PLEKHA5: variants seen among roughly 807,000 people sequenced by gnomAD.
PLEKHA5 encodes the protein pleckstrin homology domain-containing family A member 5.
In PLEKHA5, 55 loss-of-function variants were observed where a neutral mutation model predicts 181.9. The observed-to-expected ratio is 0.30, with a 90% CI of 0.24 to 0.38. The LOEUF (loss-of-function observed/expected upper bound fraction) is 0.38, where lower values mean the gene tolerates loss of function less well. Ranked by LOEUF, PLEKHA5 falls within the 10% of genes least tolerant of loss-of-function variation. The pLI, the probability that PLEKHA5 is intolerant of heterozygous loss-of-function variation, is 1.00. For synonymous variants in PLEKHA5, 535 were observed against 529.4 expected (o/e 1.01, Z -0.15); for missense variants, 1,432 against 1,549.5 (o/e 0.92, Z 1.27).
At chr12:19,370,915 C>T (rs1330299300) in intron 31 of PLEKHA5, 5 of 151,922 alleles carry the variant, frequency 3.3e-5, no homozygotes, top group African/African-American at 1.2e-4. Flanking sequence ...TCTCAAACTC[C>T]TGAATTCAAG....
intron 7 of PLEKHA5, among the ~76,000 whole-genome samples, chr12:19,264,875 C>T (rs951521334): frequency 2.6e-5 from 4 of 152,072 alleles, no homozygotes; most frequent in Non-Finnish European, 4.4e-5. Context: ...CTGATGACAC[C>T]GCTTTATTAA....
At chr12:19,231,194 G>A (rs1172087399) in intron 3 of PLEKHA5, among the ~76,000 whole-genome samples, 1 of 152,042 alleles carries the variant, frequency 6.6e-6, no homozygotes, top group African/African-American at 2.4e-5. Context: ...TGATGATAAT[G>A]AAACTGGTAA....
At chr12:19,156,292 G>GT (rs1180265666) in intron 3 of PLEKHA5, among the ~76,000 whole-genome samples, 1 of 151,238 alleles carries the variant, frequency 6.6e-6, no homozygotes, top group African/African-American at 2.4e-5. Flanking sequence ...TAATTAAAGA[G>GT]TTTTTTATGG....
At chr12:19,307,598 C>G (rs192676306) in intron 15 of PLEKHA5, 14 of 325,520 alleles carry the variant, frequency 4.3e-5, no homozygotes, top group Middle Eastern at 9.5e-4. Flanking sequence ...GGAGGACTCT[C>G]ATCTTCTAGA....
chr12:19,148,100 G>C (rs1032007828), intron 3 of PLEKHA5, among the ~76,000 whole-genome samples: 5 of 150,238 alleles, frequency 3.3e-5, no homozygotes, highest in South Asian at 4.2e-4. Flanking sequence ...TCTGTTGCCC[G>C]GGCTGGAGTG....
chr12:19,283,312 T>C lies in PLEKHA5; in HGVS notation c.1346T>C (p.Met449Thr). ...VISYQTLPRN[M>T]PSHRAQIMAR... ...TCTTACCAAACATTACCAAGAAATA[T>C]GCCAAGTCACAGAGCCCAGATTATG... The change falls in exon 12 of 32, where the codon ATG becomes ACG. Residue 449 changes from methionine to threonine, a missense_variant. This residue lies in a region of PLEKHA5 where 1,143 missense variants were observed against 1,168.4 expected (regional missense o/e 0.98). Coordinates refer to ENST00000429027, the MANE Select transcript of PLEKHA5 (RefSeq NM_001256470.2). 2.5e-6 allele frequency: 4 copies of C among 1,612,404 alleles called. No individual in the cohort carries two copies. Among genetic ancestry groups the C allele is most frequent in the Non-Finnish European group, 3.4e-6 (4 of 1,179,218 alleles).
intron 16 of PLEKHA5, 84 bp downstream of exon 16, chr12:19,314,978 C>G (rs1157719117): frequency 1.3e-6 from 1 of 741,070 alleles, no homozygotes; most frequent in African/African-American, 1.7e-5. Flanking sequence ...CAGATTTACT[C>G]ATGACATCAG....
intron 3 of PLEKHA5, among the ~76,000 whole-genome samples, chr12:19,220,104 C>T (rs1049644995): frequency 6.6e-6 from 1 of 151,838 alleles, no homozygotes; most frequent in Non-Finnish European, 1.5e-5. Flanking sequence ...ATGCTGGAAA[C>T]TGCTCCCATC....
In PLEKHA5 at chr12:19,157,587, A is replaced by G. The variant is rs145271642; in HGVS notation, c.227+25137A>G. On this transcript the variant is annotated intron_variant, in intron 3 of 31. Coordinates refer to ENST00000429027, the MANE Select transcript of PLEKHA5 (RefSeq NM_001256470.2). ...TCTTCTGTTTATGGAACACTTAACT[A>G]TATGTTCCAAGCACTCTGCTGGGTC... is the stretch of plus-strand genomic sequence containing the variant. 4.7e-3 allele frequency among the ~76,000 whole-genome samples: 711 copies of G among 152,222 alleles called. 5 individuals carry two copies. Among genetic ancestry groups the G allele is most frequent in the African/African-American group, 0.016 (668 of 41,550 alleles).
intron 3 of PLEKHA5, among the ~76,000 whole-genome samples, chr12:19,134,664 G>T (rs1054473267): frequency 6.6e-6 from 1 of 152,008 alleles, no homozygotes; most frequent in Non-Finnish European, 1.5e-5. Flanking sequence ...TAGGATAGGG[G>T]CACTACTTTT....
chr12:19,232,377 C>G (rs917335195), intron 3 of PLEKHA5, among the ~76,000 whole-genome samples: 4 of 152,002 alleles, frequency 2.6e-5, no homozygotes, highest in Admixed American at 1.3e-4. Context: ...CAAGTTATGA[C>G]AGAGTTCAGA....
At chr12:19,258,669 A>G (rs1164179122) in intron 6 of PLEKHA5, among the ~76,000 whole-genome samples, 1 of 150,614 alleles carries the variant, frequency 6.6e-6, no homozygotes, top group Non-Finnish European at 1.5e-5. Context: ...GGCTCAAGCA[A>G]TTCTCCTGCC....
At chr12:19,131,250 A>G (rs2033733043) in intron 2 of PLEKHA5, among the ~76,000 whole-genome samples, 2 of 152,242 alleles carry the variant, frequency 1.3e-5, no homozygotes, top group African/African-American at 2.4e-5. Flanking sequence ...TGAATCTGTT[A>G]AAGTTGCCAG....
rs9669792 is a variant in PLEKHA5, at chr12:19,357,829, G to A, written c.3139-399G>A. On this transcript the variant is annotated intron_variant, in intron 26 of 31. Coordinates refer to ENST00000429027, the MANE Select transcript of PLEKHA5 (RefSeq NM_001256470.2). ...TAATTTTTGTATTTTTGGTAGAGAC[G>A]GGTTTTTACCATGTTGCCCAGGCTG... Among the ~76,000 whole-genome samples the A allele has an allele frequency of 6.0e-3, 901 of 150,514 alleles. 3 individuals are homozygous for A. Among genetic ancestry groups the A allele is most frequent in the African/African-American group, 0.021 (848 of 40,980 alleles).
chr12:19,318,898 G>A (rs1424010642), intron 16 of PLEKHA5, among the ~76,000 whole-genome samples: 1 of 152,152 alleles, frequency 6.6e-6, no homozygotes, highest in South Asian at 2.1e-4. Flanking sequence ...TCCAGGCTGG[G>A]CAATAACGAG....
intron 5 of PLEKHA5, 55 bp from the exon 6 acceptor site, chr12:19,257,378 C>A: frequency 2.5e-6 from 2 of 801,412 alleles, no homozygotes; most frequent in Non-Finnish European, 4.2e-6. Context: ...GGAAGATAAG[C>A]TCAAATCTCT....
chr12:19,257,158 C>T (rs2067094796), intron 5 of PLEKHA5, among the ~76,000 whole-genome samples: 1 of 152,224 alleles, frequency 6.6e-6, no homozygotes, highest in East Asian at 1.9e-4. Context: ...AATACTGCCA[C>T]ATACTCTGTG....
chr12:19,360,458 T>G (rs1197910597), intron 28 of PLEKHA5, among the ~76,000 whole-genome samples: 2 of 150,512 alleles, frequency 1.3e-5, no homozygotes, highest in African/African-American at 4.9e-5. Flanking sequence ...AATACAAGAG[T>G]TAGCCAGGCA....
intron 3 of PLEKHA5, among the ~76,000 whole-genome samples, chr12:19,167,587 A>T (rs1488569569): frequency 6.6e-6 from 1 of 151,724 alleles, no homozygotes; most frequent in Non-Finnish European, 1.5e-5. Flanking sequence ...TATTTCATTA[A>T]TTTCATTCAC....
Sources: allele counts gnomAD v4.1 joint callset (sites outside exome capture counted in the v4.1 genomes callset), GRCh38; gene constraint gnomAD v4.1.1; regional missense constraint gnomAD v4.1.1; transcripts MANE v1.5; gene names NCBI Gene and HGNC (gene_info 2026-07-23, HGNC 2026-07-21).